The following CDK12 variants were observed in gnomAD, a reference collection of about 807,000 sequenced individuals.
The protein encoded by CDK12 is cyclin dependent kinase 12.
Under a neutral mutation model 133.8 loss-of-function variants are expected in CDK12, and 17 were observed. That is an observed-to-expected ratio of 0.13 (90% CI 0.09 to 0.19). The LOEUF is 0.19. Ranked by LOEUF, CDK12 falls within the 10% of genes least tolerant of loss-of-function variation. CDK12 has a pLI of 1.00. For synonymous variants in CDK12, 694 were observed against 683.6 expected, an observed-to-expected ratio of 1.02 and a Z score of -0.24; for missense variants, 1,508 against 1,818.7, an observed-to-expected ratio of 0.83 and a Z score of 3.11.
At chr17:39,519,869 C>T (rs1190826523) in intron 10 of CDK12, 87 bp from the exon 11 acceptor site, 2 of 1,502,536 alleles carry the variant, frequency 1.3e-6, no homozygotes, top group Non-Finnish European at 1.8e-6. Flanking sequence ...GCTGGAATTA[C>T]AGGTGTGAGA....
chr17:39,554,414 C>T (rs567188198), intron 2 of CDK12, among the ~76,000 whole-genome samples: 33 of 152,252 alleles, frequency 2.2e-4, no homozygotes, highest in Non-Finnish European at 4.0e-4. Flanking sequence ...ATTTCCTCCT[C>T]CCTTGTGTGC....
intron 11 of CDK12, among the ~76,000 whole-genome samples, chr17:39,521,509 C>T (rs1159701142): frequency 2.0e-5 from 3 of 151,914 alleles, no homozygotes; most frequent in South Asian, 2.1e-4. Flanking sequence ...GTGATCCGCC[C>T]GCCTTGGCCT....
In CDK12 at chr17:39,462,830, T is replaced by G; in HGVS notation, c.759T>G (p.Ser253=). Reference sequence around the variant, plus strand: ...ATTATGACCTTAGTCCCTCACGATCTCATACCTCGAGCAATTATGACTCCT... The same window carrying G: ...ATTATGACCTTAGTCCCTCACGATCGCATACCTCGAGCAATTATGACTCCT... The part of the protein sequence containing the change: ...GQDYDLSPSR[S]HTSSNYDSYK... Residue 253 remains serine (S), a synonymous_variant, in exon 1 of 14, where the codon TCT becomes TCG. Coordinates refer to ENST00000447079, the MANE Select transcript of CDK12 (RefSeq NM_016507.4). The G allele has an allele frequency of 6.2e-7, 1 of 1,614,122 alleles. No individual in the cohort carries two copies. Among genetic ancestry groups the G allele is most frequent in the East Asian group, 2.2e-5 (1 of 44,882 alleles).
At chr17:39,522,107 T>C (rs1402865102) in intron 11 of CDK12, among the ~76,000 whole-genome samples, 1 of 151,954 alleles carries the variant, frequency 6.6e-6, no homozygotes, top group East Asian at 1.9e-4. Flanking sequence ...TTTGGGGTTT[T>C]TTTTGTTATT....
At chr17:39,522,104 T>G (rs948804685) in intron 11 of CDK12, among the ~76,000 whole-genome samples, 37 of 151,476 alleles carry the variant, frequency 2.4e-4, no homozygotes, top group Non-Finnish European at 4.6e-4. Context: ...TTTTTTGGGG[T>G]TTTTTTTGTT....
At chr17:39,520,478 T>C (rs1598153644) in intron 11 of CDK12, among the ~76,000 whole-genome samples, 1 of 152,116 alleles carries the variant, frequency 6.6e-6, no homozygotes, top group Non-Finnish European at 1.5e-5. Flanking sequence ...CACTGCAACC[T>C]CTGCAGGGTT....
At chr17:39,551,531 T>A (rs1052556121) in intron 2 of CDK12, among the ~76,000 whole-genome samples, 4 of 152,138 alleles carry the variant, frequency 2.6e-5, no homozygotes, top group Non-Finnish European at 5.9e-5. Context: ...TGCTGCAATA[T>A]AATAAGCCAC....
intron 13 of CDK12, 77 bp downstream of exon 13, chr17:39,526,393 T>G (rs555227880): frequency 6.6e-4 from 738 of 1,125,462 alleles, no homozygotes; most frequent in Non-Finnish European, 8.9e-4. Flanking sequence ...ACATTTTTTT[T>G]CCCCCACATC....
chr17:39,537,158 C>A (rs145812280), downstream of CDK12, among the ~76,000 whole-genome samples: 1 of 152,110 alleles, frequency 6.6e-6, no homozygotes, highest in African/African-American at 2.4e-5. Flanking sequence ...ACCTAAGGGG[C>A]CTATCTGATG....
chr17:39,519,338 C>G (rs1319263971), intron 10 of CDK12, among the ~76,000 whole-genome samples: 2 of 124,998 alleles, frequency 1.6e-5, no homozygotes, highest in Admixed American at 9.0e-5. Context: ...GACCGTCTCA[C>G]TCTGTCACCT....
Position 39,471,522 on chromosome 17 carries a change from C to G in CDK12, c.1690C>G (p.Pro564Ala), listed in dbSNP as rs778359739. ...LPPIPALPQQ[P>A]PLPPSQPAFS... ...TCCAATACCAGCTCTTCCACAGCAA[C>G]CACCTCTGCCTCCTTCTCAGCCAGC... Residue 564 changes from proline (P) to alanine (A), a missense_variant, in exon 2 of 14, where the codon CCA (proline) becomes GCA (alanine). Around this residue, in one of 9 missense-constraint regions of CDK12, gnomAD observed 347 missense variants for 330.8 expected, o/e 1.05. Coordinates refer to ENST00000447079, the MANE Select transcript of CDK12 (RefSeq NM_016507.4). The G allele has an allele frequency of 6.2e-7, 1 of 1,613,616 alleles. No individual in the cohort carries two copies. The highest frequency in any genetic ancestry group is 8.5e-7 in the Non-Finnish European group (1 of 1,179,946).
intron 5 of CDK12, among the ~76,000 whole-genome samples, chr17:39,500,330 CAA>C (rs956281122): frequency 7.1e-6 from 1 of 141,524 alleles, no homozygotes. Context: ...GACGCTGTCT[CAA>C]AAAAAAAAAG....
rs1207423776 is a variant in CDK12 at position 39,526,040 on chromosome 17, G to A, written c.3484G>A (p.Glu1162Lys). 6 of 1,614,226 alleles carry A rather than the reference G, an allele frequency of 3.7e-6. No homozygotes were observed. The highest frequency in any genetic ancestry group is 5.1e-6 in the Non-Finnish European group (6 of 1,180,040). ...ALNQSISALT[E>K]ATSQQQDSET... The stretch of plus-strand genomic sequence containing the variant: ...GAACCAATCCATCAGTGCCCTGACG[G>A]AAGCTACTTCCCAGCAGCAGGACTC... Residue 1162 changes from glutamate to lysine, a missense_variant, in exon 13 of 14, where the codon GAA (glutamate) becomes AAA (lysine). Coordinates refer to ENST00000447079, the MANE Select transcript of CDK12 (RefSeq NM_016507.4).
chr17:39,468,703 G>GA (rs1203713234), intron 1 of CDK12, among the ~76,000 whole-genome samples: 1 of 151,876 alleles, frequency 6.6e-6, no homozygotes, highest in Non-Finnish European at 1.5e-5. Context: ...TCGAACTCCC[G>GA]AACTCAGGTA....
intron 1 of CDK12, among the ~76,000 whole-genome samples, chr17:39,541,877 A>G (rs2143797711): frequency 6.6e-6 from 1 of 152,264 alleles, no homozygotes; most frequent in Non-Finnish European, 1.5e-5. Context: ...AGGTAATCTA[A>G]CCTCTCCCTT....
At chr17:39,470,612 G>C (rs1220750220) in intron 1 of CDK12, among the ~76,000 whole-genome samples, 1 of 152,082 alleles carries the variant, frequency 6.6e-6, no homozygotes, top group Non-Finnish European at 1.5e-5. Context: ...ATAAACTGGA[G>C]TCCATACTTT....
chr17:39,548,440 A>C (rs1486047212), upstream of CDK12, among the ~76,000 whole-genome samples: 8 of 152,214 alleles, frequency 5.3e-5, no homozygotes, highest in African/African-American at 7.2e-5. Flanking sequence ...CCTTAATGGC[A>C]GTCACTTTCC....
intron 13 of CDK12, among the ~76,000 whole-genome samples, chr17:39,529,470 C>T (rs1411216152): frequency 6.6e-6 from 1 of 151,968 alleles, no homozygotes; most frequent in Non-Finnish European, 1.5e-5. Context: ...AATATGCTTC[C>T]ATAGGGAAAA....
chr17:39,511,564 A>G lies in CDK12; in HGVS notation c.2702A>G (p.Tyr901Cys). 1 of 1,612,820 alleles carries G rather than the reference A, an allele frequency of 6.2e-7. No individual in the cohort carries two copies. Among genetic ancestry groups the G allele is most frequent in the Non-Finnish European group, 8.5e-7 (1 of 1,178,976 alleles). Residue 901 changes from tyrosine to cysteine, a missense_variant, in exon 8 of 14, where the codon TAC (tyrosine) becomes TGC (cysteine). By Grantham distance (194) the Tyr-to-Cys change is radical (BLOSUM62 -2). Transcript: ENST00000447079. ...PYTNKVITLW[Y>C]RPPELLLGEE... is the part of the protein sequence containing the mutation. ...ACAAACAAAGTCATTACTTTGTGGT[A>G]CCGACCTCCAGAACTACTGCTAGGA... is the stretch of plus-strand genomic sequence containing the variant.
Sources: gnomAD v4.1 joint callset for allele counts (sites outside exome capture counted in the v4.1 genomes callset) on GRCh38, gnomAD v4.1.1 for gene constraint, gnomAD v4.1.1 regional missense constraint, MANE v1.5 for transcripts, NCBI Gene and HGNC (gene_info 2026-07-23, HGNC 2026-07-21) for gene names.